Variants in ANKS1B observed in about 807,000 individuals in gnomAD.
The protein encoded by ANKS1B is ankyrin repeat and sterile alpha motif domain containing 1B, also known as ankyrin repeat and sterile alpha motif domain-containing protein 1B.
A neutral mutation model predicts 148.3 loss-of-function variants in ANKS1B; 36 were observed. The observed-to-expected ratio is 0.24, with a 90% CI of 0.19 to 0.32. ANKS1B has a LOEUF of 0.32. Among genes scored for constraint, ANKS1B ranks in the 10% least tolerant of loss-of-function variants. The pLI is 1.00. For missense variants in ANKS1B, 1,157 were observed against 1,542.6 expected (o/e 0.75, Z 4.19); for synonymous variants, 542 against 560.8 (o/e 0.97, Z 0.47).
At chr12:99,264,573 G>A (rs910013983) in intron 12 of ANKS1B, among the ~76,000 whole-genome samples, 6 of 152,050 alleles carry the variant, frequency 3.9e-5, no homozygotes, top group Admixed American at 2.6e-4. Context: ...TCCATTTGAC[G>A]TTAGCATTTT....
At chr12:98,844,393 C>G (rs917593145) in intron 17 of ANKS1B, among the ~76,000 whole-genome samples, 3 of 152,128 alleles carry the variant, frequency 2.0e-5, no homozygotes, top group African/African-American at 7.2e-5. Context: ...GCTGAGCCCT[C>G]CCCTGGAACC....
At position 99,433,021 on chromosome 12, in the gene ANKS1B, A is replaced by G. The variant is rs1262256908; in HGVS notation, c.1575+10652T>C. Among the ~76,000 whole-genome samples, 3 of 152,212 alleles carry G rather than the reference A, an allele frequency of 2.0e-5. No individual in the cohort carries two copies. The East Asian group carries it at 5.8e-4, about 29-fold the overall frequency. On this transcript the variant is annotated intron_variant, in intron 11 of 26. Coordinates refer to ENST00000683438, the MANE Select transcript of ANKS1B (RefSeq NM_001352186.2). ...ATTTATATATGTGGCCAAGTTACAA[A>G]AGGACAAGAGCACAATAATCAATGC...
At chr12:99,060,653 T>TCA (rs35515489) in intron 16 of ANKS1B, among the ~76,000 whole-genome samples, 14,987 of 125,628 alleles carry the variant, frequency 0.12, 947 homozygotes, top group Middle Eastern at 0.18. Context: ...TATATACACA[T>TCA]CACACACACA....
chr12:99,300,796 G>A (rs1471846446), intron 12 of ANKS1B, among the ~76,000 whole-genome samples: 2 of 152,168 alleles, frequency 1.3e-5, no homozygotes, highest in East Asian at 1.9e-4. Flanking sequence ...TACTTTGGCT[G>A]TGCAGTTTAG....
intron 12 of ANKS1B, among the ~76,000 whole-genome samples, chr12:99,368,111 A>T (rs951344730): frequency 1.3e-5 from 2 of 152,176 alleles, no homozygotes; most frequent in Admixed American, 6.6e-5. Flanking sequence ...CAATTTTAGG[A>T]TATACTGTAA....
intron 12 of ANKS1B, among the ~76,000 whole-genome samples, chr12:99,374,292 C>G (rs760779167): frequency 6.6e-6 from 1 of 152,148 alleles, no homozygotes; most frequent in Non-Finnish European, 1.5e-5. Context: ...GTTAGAGCCA[C>G]TGTCTGTGTG....
intron 1 of ANKS1B, among the ~76,000 whole-genome samples, chr12:99,844,479 CCATT>C (rs2086295721): frequency 3.9e-5 from 6 of 152,126 alleles, no homozygotes; most frequent in Admixed American, 3.9e-4. Context: ...TCTCCCAGCA[CCATT>C]TATTAAATAG....
intron 25 of ANKS1B, among the ~76,000 whole-genome samples, chr12:98,767,243 C>A (rs2098496338): frequency 6.6e-6 from 1 of 152,144 alleles, no homozygotes; most frequent in South Asian, 2.1e-4. Flanking sequence ...GTTTTTCTTG[C>A]CCCACACTTT....
chr12:99,242,837 C>T (rs1251026482), intron 14 of ANKS1B, among the ~76,000 whole-genome samples: 2 of 152,110 alleles, frequency 1.3e-5, no homozygotes, highest in African/African-American at 2.4e-5. Context: ...ACTGGCTAGC[C>T]ATATGTAGAA....
At position 99,648,454 on chromosome 12, in the gene ANKS1B, G is replaced by A. The variant is rs1481324039; in HGVS notation, c.1272+6613C>T. 19 of 1,614,046 alleles carry A rather than the reference G, an allele frequency of 1.2e-5. No individual in the cohort carries two copies. Among genetic ancestry groups the A allele is most frequent in the Non-Finnish European group, 1.4e-5 (17 of 1,180,040 alleles). On this transcript the variant is annotated intron_variant, in intron 9 of 26. Coordinates refer to ENST00000683438, the MANE Select transcript of ANKS1B (RefSeq NM_001352186.2). ...CATGCTGCTGGCCCGACCAGCTGCT[G>A]TCTGTGACAATGCCAGGTGTGGTCC...
intron 12 of ANKS1B, among the ~76,000 whole-genome samples, chr12:99,281,539 G>A (rs1297101449): frequency 6.6e-6 from 1 of 152,138 alleles, no homozygotes; most frequent in Non-Finnish European, 1.5e-5. Flanking sequence ...CTCTTCTTAA[G>A]AGACAAAGAA....
chr12:99,535,931 C>A (rs541665021), intron 9 of ANKS1B, among the ~76,000 whole-genome samples: 51 of 152,278 alleles, frequency 3.3e-4, no homozygotes, highest in African/African-American at 1.2e-3. Flanking sequence ...TTGCTCTAAT[C>A]CCATTTCCAT....
chr12:99,774,268 A>G (rs534196038), intron 7 of ANKS1B, among the ~76,000 whole-genome samples: 101 of 152,250 alleles, frequency 6.6e-4, no homozygotes, highest in Admixed American at 1.1e-3. Flanking sequence ...TACATAAGGA[A>G]TTCACATAAC....
intron 12 of ANKS1B, among the ~76,000 whole-genome samples, chr12:99,290,201 C>A (rs1354929481): frequency 2.0e-5 from 3 of 150,754 alleles, no homozygotes; most frequent in Non-Finnish European, 4.4e-5. Flanking sequence ...AGACAACCTA[C>A]CAAGATTGAA....
intron 17 of ANKS1B, among the ~76,000 whole-genome samples, chr12:98,999,508 T>A (rs2099931699): frequency 6.6e-6 from 1 of 152,176 alleles, no homozygotes; most frequent in South Asian, 2.1e-4. Context: ...GCAAATATTC[T>A]GGGAAAGGAT....
rs12580132 is a variant in ANKS1B, at chr12:99,148,653, T to G, written c.2526+5636A>C. ...CTACTCATTAGATTGATTTTACAGA[T>G]GAGTAAACTGAATCATAGAGAAACA... On this transcript the variant is annotated intron_variant, in intron 15 of 26. Coordinates refer to ENST00000683438, the MANE Select transcript of ANKS1B (RefSeq NM_001352186.2). Among the ~76,000 whole-genome samples the G allele has an allele frequency of 6.5e-3, 990 of 152,256 alleles. 46 individuals are homozygous for G. In the East Asian group the frequency reaches 0.11, roughly 17 times the overall value.
chr12:99,862,844 A>G (rs1409714177), intron 1 of ANKS1B, among the ~76,000 whole-genome samples: 1 of 152,218 alleles, frequency 6.6e-6, no homozygotes, highest in African/African-American at 2.4e-5. Context: ...GAAGTAAAAG[A>G]ACAACAATGT....
intron 12 of ANKS1B, among the ~76,000 whole-genome samples, chr12:99,294,841 C>T (rs547600926): frequency 3.9e-5 from 6 of 152,128 alleles, no homozygotes; most frequent in East Asian, 3.9e-4. Context: ...TTAGTAGAGA[C>T]GGGGTTTCTC....
intron 10 of ANKS1B, among the ~76,000 whole-genome samples, chr12:99,471,117 AG>A (rs972490115): frequency 6.6e-6 from 1 of 152,108 alleles, no homozygotes; most frequent in African/African-American, 2.4e-5. Flanking sequence ...GACAACCAAA[AG>A]TATAATTTAA....
Sources: allele counts gnomAD v4.1 joint callset (sites outside exome capture counted in the v4.1 genomes callset), GRCh38; gene constraint gnomAD v4.1.1; transcripts MANE v1.5; gene names NCBI Gene and HGNC (gene_info 2026-07-23, HGNC 2026-07-21).